CACNA2D3: variants seen among roughly 807,000 people sequenced by gnomAD.
CACNA2D3 encodes the protein calcium voltage-gated channel auxiliary subunit alpha2delta 3, also known as voltage-dependent calcium channel subunit alpha-2/delta-3.
Under a neutral mutation model 160.6 loss-of-function variants are expected in CACNA2D3, and 60 were observed. The observed-to-expected ratio is 0.37, with a 90% CI of 0.30 to 0.46. The LOEUF is 0.46. Among genes scored for constraint, CACNA2D3 ranks in the 20% least tolerant of loss-of-function variants. CACNA2D3 has a pLI of 1.00. For synonymous variants in CACNA2D3, 558 were observed against 492.9 expected (o/e 1.13, Z -1.75); for missense variants, 1,205 against 1,365.0 (o/e 0.88, Z 1.85).
intron 4 of CACNA2D3, among the ~76,000 whole-genome samples, chr3:54,388,799 C>A (rs1198289503): frequency 3.3e-5 from 5 of 152,152 alleles, no homozygotes; most frequent in Non-Finnish European, 5.9e-5. Context: ...CATCAGGAAG[C>A]ACTTTGGCAG....
chr3:54,158,512 T>G (rs1211091999), intron 2 of CACNA2D3, among the ~76,000 whole-genome samples: 5 of 152,170 alleles, frequency 3.3e-5, no homozygotes, highest in African/African-American at 1.2e-4. Flanking sequence ...GACTTTTCCA[T>G]TTTACATAAA....
intron 5 of CACNA2D3, among the ~76,000 whole-genome samples, chr3:54,519,391 C>G (rs1162579262): frequency 6.6e-6 from 1 of 152,196 alleles, no homozygotes; most frequent in Non-Finnish European, 1.5e-5. Flanking sequence ...CCCATTCACC[C>G]TCCACCATCT....
intron 10 of CACNA2D3, chr3:54,638,335 AAGG>A (rs1257667801): frequency 6.6e-6 from 1 of 151,994 alleles, no homozygotes; most frequent in Non-Finnish European, 1.5e-5. Flanking sequence ...GATAAAGAAA[AAGG>A]AGCATTAACC....
At chr3:54,517,115 T>G (rs2106977453) in intron 5 of CACNA2D3, among the ~76,000 whole-genome samples, 1 of 152,304 alleles carries the variant, frequency 6.6e-6, no homozygotes, top group Middle Eastern at 3.4e-3. Context: ...ACAAACCACC[T>G]TACAGATGAG....
intron 15 of CACNA2D3, among the ~76,000 whole-genome samples, chr3:54,838,356 A>G (rs981791511): frequency 6.6e-6 from 1 of 152,186 alleles, no homozygotes; most frequent in African/African-American, 2.4e-5. Flanking sequence ...GTAGTAGTTA[A>G]TGGTTGGCCT....
At chr3:54,237,123 G>A (rs1701894070) in intron 2 of CACNA2D3, among the ~76,000 whole-genome samples, 1 of 151,884 alleles carries the variant, frequency 6.6e-6, no homozygotes, top group South Asian at 2.1e-4. Flanking sequence ...AGGGTAGGAG[G>A]ACATTCTTCC....
intron 23 of CACNA2D3, among the ~76,000 whole-genome samples, chr3:54,887,616 A>T (rs887519122): frequency 6.6e-6 from 1 of 152,128 alleles, no homozygotes; most frequent in African/African-American, 2.4e-5. Context: ...ATGACAGCCA[A>T]GTGTTCAAGG....
intron 11 of CACNA2D3, among the ~76,000 whole-genome samples, chr3:54,653,763 C>T (rs934599947): frequency 1.3e-5 from 2 of 152,302 alleles, no homozygotes; most frequent in East Asian, 1.9e-4. Flanking sequence ...TGGTACTTCC[C>T]CTGTGGTGGA....
chr3:54,971,173 G>A (rs1448266183), intron 29 of CACNA2D3, among the ~76,000 whole-genome samples: 1 of 151,678 alleles, frequency 6.6e-6, no homozygotes, highest in Non-Finnish European at 1.5e-5. Flanking sequence ...GTGATCATCA[G>A]ATCAAAACTA....
intron 17 of CACNA2D3, among the ~76,000 whole-genome samples, chr3:54,870,851 CA>C (rs1189017604): frequency 6.6e-6 from 1 of 152,164 alleles, no homozygotes; most frequent in Non-Finnish European, 1.5e-5. Flanking sequence ...AAAATGCCAC[CA>C]GTATGCTGAG....
At chr3:54,290,767 G>T (rs1432081198) in intron 2 of CACNA2D3, among the ~76,000 whole-genome samples, 1 of 152,098 alleles carries the variant, frequency 6.6e-6, no homozygotes, top group Non-Finnish European at 1.5e-5. Flanking sequence ...TAGGGACATG[G>T]ATGAAACTGG....
chr3:54,535,293 C>G (rs981171496), intron 5 of CACNA2D3, among the ~76,000 whole-genome samples: 1 of 152,196 alleles, frequency 6.6e-6, no homozygotes, highest in Non-Finnish European at 1.5e-5. Context: ...GATTCTGATG[C>G]ATTTTAAAAT....
At chr3:54,774,660 A>T (rs1389481953) in intron 13 of CACNA2D3, among the ~76,000 whole-genome samples, 1 of 106,358 alleles carries the variant, frequency 9.4e-6, no homozygotes, top group Non-Finnish European at 1.8e-5. Context: ...TTTGAAATGG[A>T]GTCTCACTCT....
intron 2 of CACNA2D3, among the ~76,000 whole-genome samples, chr3:54,305,347 A>G (rs986911898): frequency 3.9e-5 from 6 of 152,228 alleles, no homozygotes; most frequent in Admixed American, 6.5e-5. Context: ...CCGGCCTGAA[A>G]TAAAATTGCT....
chr3:54,123,311 C>T (rs780541900), intron 1 of CACNA2D3: 2 of 587,504 alleles, frequency 3.4e-6, no homozygotes, highest in African/African-American at 1.9e-5. Context: ...CCGCGACCCC[C>T]CTCGGGCCCC....
intron 13 of CACNA2D3, among the ~76,000 whole-genome samples, chr3:54,793,386 G>A (rs1322185624): frequency 6.6e-6 from 1 of 152,192 alleles, no homozygotes; most frequent in African/African-American, 2.4e-5. Flanking sequence ...ACCAACTTCT[G>A]TCTAAATGCC....
At chr3:54,180,550 TCCAA>T (rs1700764773) in intron 2 of CACNA2D3, among the ~76,000 whole-genome samples, 2 of 152,172 alleles carry the variant, frequency 1.3e-5, no homozygotes, top group Non-Finnish European at 2.9e-5. Flanking sequence ...CTTCCCTTAG[TCCAA>T]GGAGGCCCAG....
intron 4 of CACNA2D3, among the ~76,000 whole-genome samples, chr3:54,412,610 C>CTTTTTTTTTTTTTTTTTTTT (rs774491527): frequency 1.1e-4 from 13 of 120,596 alleles, no homozygotes; most frequent in Non-Finnish European, 1.6e-4. Context: ...TGGTCTTGTT[C>CTTTTTTTTTTTTTTTTTTTT]TTTTTTTTTT....
chr3:54,649,071 G>T (rs1213163297), intron 11 of CACNA2D3, among the ~76,000 whole-genome samples: 8 of 152,208 alleles, frequency 5.3e-5, no homozygotes, highest in Admixed American at 5.2e-4. Context: ...ATAAATGGTG[G>T]AGGGCTGGGA....
Sources: gnomAD v4.1 joint callset for allele counts (sites outside exome capture counted in the v4.1 genomes callset) on GRCh38, gnomAD v4.1.1 for gene constraint, MANE v1.5 for transcripts, NCBI Gene and HGNC (gene_info 2026-07-23, HGNC 2026-07-21) for gene names.